LRR1: variants seen among roughly 807,000 people sequenced by gnomAD.
LRR1 encodes the protein leucine-rich repeat protein 1.
Under a neutral mutation model 31.6 loss-of-function variants are expected in LRR1, and 29 were observed. The observed-to-expected ratio is 0.92, with a 90% CI of 0.68 to 1.25. The LOEUF is 1.25. Among genes scored for constraint, LRR1 ranks in the 50% most tolerant of loss-of-function variants. The pLI, the probability that LRR1 is intolerant of heterozygous loss-of-function variation, is 0.00. For missense variants in LRR1, 485 were observed against 487.2 expected, an observed-to-expected ratio of 1.00 and a Z score of 0.04; for synonymous variants, 179 against 181.4, an observed-to-expected ratio of 0.99 and a Z score of 0.10.
In LRR1 at chr14:49,599,913, C is replaced by T. The variant is rs920450014; in HGVS notation, c.183+710C>T. 27 of 1,128,456 alleles carry T rather than the reference C, an allele frequency of 2.4e-5. No individual in the cohort carries two copies. The African/African-American group carries it at 4.2e-4, about 17-fold the overall frequency. 69.9% of individuals were successfully genotyped at this position (1,128,456 alleles called of 1,614,324 possible). A position where few individuals can be genotyped will look rare whatever the true frequency, so the allele number is the denominator to read the frequency against. On this transcript the variant is annotated intron_variant, in intron 1 of 3. Transcript: ENST00000298288. ...AGCGGCGGCGACGGCGGCGGACCCT[C>T]CAGGCGGGCTGAGGCTGAGCCCGGG...
intron 3 of LRR1, among the ~76,000 whole-genome samples, chr14:49,608,899 C>CTTTTTTTTTT (rs34457930): frequency 5.6e-5 from 4 of 71,544 alleles, no homozygotes; most frequent in African/African-American, 2.4e-4. Flanking sequence ...ACTTTAACCT[C>CTTTTTTTTTT]TTTTTTTTTT....
intron 3 of LRR1, among the ~76,000 whole-genome samples, chr14:49,608,407 T>A (rs1882373085): frequency 6.6e-5 from 3 of 45,664 alleles, no homozygotes; most frequent in African/African-American, 2.3e-4. Flanking sequence ...CATTGCTTGA[T>A]TTTTTTTTTT....
chr14:49,602,360 T>C lies in LRR1; in HGVS notation c.184-10T>C. On this transcript the variant is annotated splice_polypyrimidine_tract_variant and intron_variant, in intron 1 of 3. Coordinates refer to ENST00000298288, the MANE Select transcript of LRR1 (RefSeq NM_152329.4). The stretch of plus-strand genomic sequence containing the variant: ...AGTTTTCTTCTTTTTTTTCTATTGG[T>C]TTTATGCAGCTAAGGGAGAACATTG... The C allele has an allele frequency of 3.1e-6, 5 of 1,605,532 alleles. No homozygotes were observed. The highest frequency in any genetic ancestry group is 4.3e-6 in the Non-Finnish European group (5 of 1,173,588).
intron 2 of LRR1, among the ~76,000 whole-genome samples, chr14:49,606,057 C>T (rs140279121): frequency 0.016 from 2,259 of 144,610 alleles, 59 homozygotes; most frequent in African/African-American, 0.055. Context: ...TATATGGAGT[C>T]GCTCTGTCGC....
intron 1 of LRR1, chr14:49,600,678 T>C (rs1318289617): frequency 3.4e-5 from 45 of 1,325,234 alleles, no homozygotes; most frequent in Admixed American, 4.6e-5. Flanking sequence ...ATGCTGCAGC[T>C]ATACCCAGAC....
intron 1 of LRR1, chr14:49,601,274 A>T (rs1342929217): frequency 9.2e-7 from 1 of 1,081,952 alleles, no homozygotes; most frequent in African/African-American, 1.6e-5. Flanking sequence ...GATATTTGTT[A>T]TGCTTATAAG....
intron 1 of LRR1, chr14:49,601,611 G>C (rs1882054756): frequency 7.8e-7 from 1 of 1,289,344 alleles, no homozygotes; most frequent in African/African-American, 1.5e-5. Flanking sequence ...CCTACTGGGA[G>C]GTGTGCCCAC....
At position 49,606,024 on chromosome 14, in the gene LRR1, TTTTTTTTTC is replaced by T. The variant is rs1320851466; in HGVS notation, c.283-1367_283-1359del. On this transcript the variant is annotated intron_variant, in intron 2 of 3. Coordinates refer to ENST00000298288, the MANE Select transcript of LRR1 (RefSeq NM_152329.4). ...CCATGTTCCAACAAAAATTAGCTTT[TTTTTTTTTC>T]TTTTTTTTTTTTTTATATGGAGTCG... 9.4e-3 allele frequency among the ~76,000 whole-genome samples: 1,421 copies of T among 151,570 alleles called. 19 individuals are homozygous for T. Among genetic ancestry groups the T allele is most frequent in the African/African-American group, 0.033 (1,353 of 41,186 alleles).
Position 49,608,135 on chromosome 14 carries a change from A to G in LRR1, c.1004+14A>G, listed in dbSNP as rs1388239443. ...ATTACATAATAGGTAAGATTTTAAT[A>G]GTCATGTAATGTGGTGTCTTTGATA... is the stretch of plus-strand genomic sequence containing the variant. On this transcript the variant is annotated intron_variant, in intron 3 of 3. Transcript: ENST00000298288. 1.8e-5 allele frequency: 27 copies of G among 1,533,842 alleles called. No individual in the cohort carries two copies. The highest frequency in any genetic ancestry group is 2.2e-5 in the Non-Finnish European group (25 of 1,148,944).
chr14:49,613,580 G>A (rs1208879389), intron 3 of LRR1, among the ~76,000 whole-genome samples: 2 of 151,796 alleles, frequency 1.3e-5, no homozygotes, highest in Non-Finnish European at 2.9e-5. Flanking sequence ...GCTGAGGCAG[G>A]CAGATCACAT....
At chr14:49,602,532 A>G (rs1882102592) in intron 2 of LRR1, 64 bp downstream of exon 2, 2 of 1,382,886 alleles carry the variant, frequency 1.4e-6, no homozygotes, top group South Asian at 1.2e-5. Context: ...TTAGAAACAG[A>G]GTCTTGTTCT....
At chr14:49,611,243 G>C (rs1038370032) in intron 3 of LRR1, among the ~76,000 whole-genome samples, 2 of 152,214 alleles carry the variant, frequency 1.3e-5, no homozygotes, top group Admixed American at 1.3e-4. Flanking sequence ...TTGGGAGATC[G>C]AGGCAGGCGG....
chr14:49,613,525 G>A (rs1293114783), intron 3 of LRR1, among the ~76,000 whole-genome samples: 1 of 150,236 alleles, frequency 6.7e-6, no homozygotes, highest in Non-Finnish European at 1.5e-5. Context: ...AAAAAGTTTA[G>A]GCCAGGTGCG....
At chr14:49,606,030 T>C (rs914027713) in intron 2 of LRR1, among the ~76,000 whole-genome samples, 1 of 148,582 alleles carries the variant, frequency 6.7e-6, no homozygotes, top group Non-Finnish European at 1.5e-5. Context: ...CTTTTTTTTT[T>C]TTCTTTTTTT....
chr14:49,599,158 C>G lies in LRR1; in HGVS notation c.138C>G (p.Phe46Leu), dbSNP rs1337590263. 6.2e-7 allele frequency: 1 copy of G among 1,609,268 alleles called. No homozygotes were observed. The highest frequency in any genetic ancestry group is 2.2e-5 in the East Asian group (1 of 44,720). The part of the protein sequence containing the change: ...TSRSQPPVRA[F>L]LLISTLKDKR... ...GGAGTCAGCCGCCGGTCCGAGCCTT[C>G]CTGCTCATCTCCACCCTGAAGGACA... The change falls in exon 1 of 4, where the codon TTC becomes TTG. Residue 46 changes from phenylalanine (F) to leucine (L), a missense_variant. Coordinates refer to ENST00000298288, the MANE Select transcript of LRR1 (RefSeq NM_152329.4).
At chr14:49,599,301 GA>G (rs1179450103) in intron 1 of LRR1, 98 bp downstream of exon 1, 3 of 1,352,306 alleles carry the variant, frequency 2.2e-6, no homozygotes, top group Non-Finnish European at 2.9e-6. Context: ...CTCCCTAGGC[GA>G]AAGCCCGCCT....
intron 3 of LRR1, 126 bp downstream of exon 3, chr14:49,608,247 GTCT>G (rs1403866978): frequency 2.0e-5 from 20 of 1,009,908 alleles, no homozygotes; most frequent in African/African-American, 4.9e-5. Flanking sequence ...TGCTATAATG[GTCT>G]TCTTGTTCCT....
At chr14:49,603,441 A>T in intron 2 of LRR1, 1 of 228,848 alleles carries the variant, frequency 4.4e-6, no homozygotes, top group Non-Finnish European at 7.6e-6. Flanking sequence ...TTACAAATCT[A>T]AGTTTGTTGT....
intron 3 of LRR1, among the ~76,000 whole-genome samples, chr14:49,610,913 T>C (rs1190678179): frequency 1.3e-5 from 2 of 152,176 alleles, no homozygotes; most frequent in African/African-American, 4.8e-5. Context: ...GACCAAAGTA[T>C]TACTGAGAAC....
Sources: allele counts gnomAD v4.1 joint callset (sites outside exome capture counted in the v4.1 genomes callset), GRCh38; gene constraint gnomAD v4.1.1; transcripts MANE v1.5; gene names NCBI Gene and HGNC (gene_info 2026-07-23, HGNC 2026-07-21).